DNAI4: variants seen among roughly 807,000 people sequenced by gnomAD.
DNAI4 encodes the protein WD repeat domain 78.
A neutral mutation model predicts 105.8 loss-of-function variants in DNAI4; 85 were observed. The ratio of observed to expected loss-of-function variants is 0.80; its 90% CI spans 0.67 to 0.96. DNAI4 has a LOEUF of 0.96. Ranked by LOEUF, DNAI4 falls within the 40% of genes least tolerant of loss-of-function variation. The pLI is 0.00. For synonymous variants in DNAI4, 352 were observed against 331.5 expected, an observed-to-expected ratio of 1.06 and a Z score of -0.67; for missense variants, 1,014 against 1,005.6, an observed-to-expected ratio of 1.01 and a Z score of -0.11.
rs957726780 is a variant in DNAI4 at position 66,872,838 on chromosome 1, G to A, written c.801-1329C>T. Among the ~76,000 whole-genome samples the A allele has an allele frequency of 5.3e-4, 81 of 151,796 alleles. 1 individual carries two copies. Among genetic ancestry groups the A allele is most frequent in the Non-Finnish European group, 2.2e-4 (15 of 67,970 alleles). ...AGCAATTCTCGTGCCTCAGCCTCCT[G>A]AGTAGCTGGGATTACAGGTGCCCAC... On this transcript the variant is annotated intron_variant, in intron 5 of 16. Transcript: ENST00000371026.
At chr1:66,845,060 G>T (rs1646241448) in intron 8 of DNAI4, among the ~76,000 whole-genome samples, 2 of 151,938 alleles carry the variant, frequency 1.3e-5, no homozygotes, top group South Asian at 4.2e-4. Flanking sequence ...GGGTGTGGTG[G>T]TGGGCGCCTG....
At chr1:66,884,316 A>C (rs1323019467) in intron 4 of DNAI4, among the ~76,000 whole-genome samples, 1 of 152,212 alleles carries the variant, frequency 6.6e-6, no homozygotes, top group Non-Finnish European at 1.5e-5. Flanking sequence ...AATTGATTTC[A>C]AATCTTTTGG....
intron 1 of DNAI4, among the ~76,000 whole-genome samples, chr1:66,913,618 A>T (rs1184149794): frequency 1.3e-5 from 2 of 152,158 alleles, no homozygotes; most frequent in Admixed American, 6.5e-5. Flanking sequence ...AATATATATA[A>T]GGGCTAATGA....
At chr1:66,860,062 A>G (rs891147420) in intron 7 of DNAI4, among the ~76,000 whole-genome samples, 21 of 149,800 alleles carry the variant, frequency 1.4e-4, no homozygotes, top group Non-Finnish European at 2.7e-4. Context: ...GCCACTGTGC[A>G]CAGAAAGTAG....
chr1:66,903,824 G>T (rs1312425019), intron 2 of DNAI4, among the ~76,000 whole-genome samples: 1 of 152,090 alleles, frequency 6.6e-6, no homozygotes, highest in African/African-American at 2.4e-5. Context: ...TCCTTGCTCA[G>T]TTGCCCTGGC....
At chr1:66,893,123 A>AAGAAAGAG (rs1181639249) in intron 3 of DNAI4, 106 bp downstream of exon 3, 1 of 537,824 alleles carries the variant, frequency 1.9e-6, no homozygotes, top group African/African-American at 2.0e-5. Flanking sequence ...GAAAGAAAGA[A>AAGAAAGAG]ACTGGGAGAC....
chr1:66,862,190 AG>A lies in DNAI4; in HGVS notation c.1052del (p.Pro351LeufsTer22). The A allele has an allele frequency of 1.2e-6, 2 of 1,604,506 alleles. No homozygotes were observed. Among genetic ancestry groups the A allele is most frequent in the Non-Finnish European group, 1.7e-6 (2 of 1,176,842 alleles). ...VESSSKANVL[P>X]KDQDQRLPGS... The stretch of plus-strand genomic sequence containing the variant: ...CTGGCAATCTTTGGTCCTGATCTTT[AG>A]GAAGTACATTTGCTTTACTACTTGA... On this transcript the variant is annotated frameshift_variant, in exon 7 of 17. Coordinates refer to ENST00000371026, the MANE Select transcript of DNAI4 (RefSeq NM_024763.5). LOFTEE classifies it high-confidence loss of function.
Position 66,827,489 on chromosome 1 carries a change from TA to T in DNAI4, c.2112+322del, listed in dbSNP as rs1034252906. 9.2e-5 allele frequency among the ~76,000 whole-genome samples: 14 copies of T among 151,738 alleles called. No individual in the cohort carries two copies. The East Asian group carries it at 2.5e-3, about 27-fold the overall frequency. ...CTGGGTAACAGTGAGACCCATCTCT[TA>T]AAAAAAACATTAAAAAAAATAAGCT... On this transcript the variant is annotated intron_variant, in intron 14 of 16. Transcript: ENST00000371026.
chr1:66,822,093 A>C (rs565134538), intron 16 of DNAI4, among the ~76,000 whole-genome samples: 1 of 152,090 alleles, frequency 6.6e-6, no homozygotes, highest in South Asian at 2.1e-4. Flanking sequence ...ACTAGGCACA[A>C]TTTTAGGTTA....
intron 4 of DNAI4, among the ~76,000 whole-genome samples, chr1:66,888,259 G>A (rs1172757336): frequency 2.0e-5 from 3 of 151,932 alleles, no homozygotes; most frequent in African/African-American, 4.8e-5. Context: ...ACAACTATGG[G>A]AATTTTTAAA....
rs1553231245 is a variant in DNAI4, at chr1:66,909,324, T to TCACACACA, written c.171-3950_171-3949insTGTGTGTG. The stretch of plus-strand genomic sequence containing the variant: ...CACACACACACACACACACACACAG[T>TCACACACA]CTCTCTTGAATAGAGTCTGATCAGG... On this transcript the variant is annotated intron_variant, in intron 1 of 16. Coordinates refer to ENST00000371026, the MANE Select transcript of DNAI4 (RefSeq NM_024763.5). 2.0e-3 allele frequency among the ~76,000 whole-genome samples: 68 copies of TCACACACA among 33,956 alleles called. No individual in the cohort carries two copies. The East Asian group carries it at 0.063, about 31-fold the overall frequency. The allele number at this position is 33,956 out of a possible 152,430, so 22.3% of individuals were successfully genotyped here.
chr1:66,909,896 A>G (rs937827051), intron 1 of DNAI4, among the ~76,000 whole-genome samples: 15 of 152,142 alleles, frequency 9.9e-5, no homozygotes, highest in African/African-American at 3.6e-4. Context: ...ATACATCTGG[A>G]ATCCATTCAT....
intron 1 of DNAI4, among the ~76,000 whole-genome samples, chr1:66,912,578 T>C (rs1649742205): frequency 6.6e-6 from 1 of 152,204 alleles, no homozygotes; most frequent in Non-Finnish European, 1.5e-5. Flanking sequence ...ATGGAACCAA[T>C]GTACTTCTTA....
intron 1 of DNAI4, among the ~76,000 whole-genome samples, chr1:66,920,872 C>T (rs1285490828): frequency 1.3e-5 from 2 of 152,212 alleles, no homozygotes; most frequent in African/African-American, 2.4e-5. Context: ...ACATTTACAA[C>T]TAAACAGTAA....
chr1:66,902,130 G>C (rs1367242099), intron 2 of DNAI4, among the ~76,000 whole-genome samples: 1 of 152,056 alleles, frequency 6.6e-6, no homozygotes, highest in Non-Finnish European at 1.5e-5. Context: ...ACCATGCCTG[G>C]CCCTACAATA....
intron 4 of DNAI4, among the ~76,000 whole-genome samples, chr1:66,885,548 T>C (rs1212599195): frequency 6.6e-6 from 1 of 152,150 alleles, no homozygotes; most frequent in Non-Finnish European, 1.5e-5. Context: ...AGAAGTCAAA[T>C]GTAATTTATA....
intron 8 of DNAI4, among the ~76,000 whole-genome samples, chr1:66,846,540 G>T (rs1047706778): frequency 6.6e-6 from 1 of 152,158 alleles, no homozygotes; most frequent in Non-Finnish European, 1.5e-5. Flanking sequence ...AGGATTACCA[G>T]ATAAGTCTAA....
At chr1:66,835,189 TAGAC>T (rs144792255) in intron 11 of DNAI4, among the ~76,000 whole-genome samples, 1 of 122,450 alleles carries the variant, frequency 8.2e-6, no homozygotes, top group East Asian at 2.2e-4. Flanking sequence ...ATACCCTCCT[TAGAC>T]AGATAGATAG....
chr1:66,835,548 C>G, intron 11 of DNAI4, 78 bp downstream of exon 11: 1 of 1,443,766 alleles, frequency 6.9e-7, no homozygotes, highest in Non-Finnish European at 9.5e-7. Context: ...AAAATATTTA[C>G]TCAAAACTAA....
Sources: gnomAD v4.1 joint callset for allele counts (sites outside exome capture counted in the v4.1 genomes callset) on GRCh38, gnomAD v4.1.1 for gene constraint, MANE v1.5 for transcripts, NCBI Gene and HGNC (gene_info 2026-07-23, HGNC 2026-07-21) for gene names.